PLA1A: variants seen among roughly 807,000 people sequenced by gnomAD.
PLA1A encodes phospholipase A1 member A.
A neutral mutation model predicts 49.4 loss-of-function variants in PLA1A; 47 were observed. The ratio of observed to expected loss-of-function variants is 0.95; its 90% confidence interval spans 0.75 to 1.21. PLA1A has a LOEUF of 1.21. Among genes scored for constraint, PLA1A ranks in the 50% most tolerant of loss-of-function variants. The probability of loss-of-function intolerance (pLI) is 0.00; values close to 1 mark genes in which losing one functional copy is unlikely to be tolerated. For missense variants in PLA1A, 561 were observed against 563.9 expected (o/e 0.99, Z 0.05); for synonymous variants, 224 against 207.9 (o/e 1.08, Z -0.67).
rs538981914 is a variant in PLA1A at position 119,616,232 on chromosome 3, C to G, written c.754+131C>G. The G allele has an allele frequency of 1.5e-4, 103 of 676,988 alleles. 2 individuals carry two copies. In the South Asian group the frequency reaches 1.7e-3, roughly 11 times the overall value. 41.9% of individuals were successfully genotyped at this position (676,988 alleles called of 1,614,324 possible). On this transcript the variant is annotated intron_variant, in intron 6 of 10. Transcript: ENST00000273371. Reference sequence around the variant, plus strand: ...CAGTGTCCTTTGCTATGTCCCATAACGCTTTACTCAGAATGTATTCAAGGA... The same window carrying G: ...CAGTGTCCTTTGCTATGTCCCATAAGGCTTTACTCAGAATGTATTCAAGGA...
At chr3:119,620,343 C>A (rs1452668331) in intron 8 of PLA1A, 1 of 326,000 alleles carries the variant, frequency 3.1e-6, no homozygotes, top group South Asian at 2.5e-5. Context: ...AAACAACATG[C>A]CACCCAATTT....
intron 9 of PLA1A, among the ~76,000 whole-genome samples, chr3:119,627,624 C>A (rs1006851800): frequency 1.5e-5 from 2 of 131,698 alleles, no homozygotes; most frequent in Non-Finnish European, 3.1e-5. Context: ...TGGTTCCCCA[C>A]ACCACCCCTG....
rs2082900349 is a variant in PLA1A, at chr3:119,619,617, T to C, written c.977T>C (p.Val326Ala). 1.2e-6 allele frequency: 2 copies of C among 1,613,424 alleles called. No homozygotes were observed. Among genetic ancestry groups the C allele is most frequent in the Non-Finnish European group, 1.7e-6 (2 of 1,179,332 alleles). Residue 326 changes from valine to alanine, a missense_variant, in exon 8 of 11, where the codon GTC (valine) becomes GCC (alanine). Transcript: ENST00000273371. ...KIEPLPKEVK[V>A]YLLTTSSAPY... ...GAGCCGCTCCCCAAGGAAGTGAAAG[T>C]CTACCTCCTGACTACTTCCAGTGCT...
chr3:119,605,277 G>T (rs1343022186), intron 1 of PLA1A, among the ~76,000 whole-genome samples: 1 of 152,210 alleles, frequency 6.6e-6, no homozygotes, highest in Non-Finnish European at 1.5e-5. Context: ...GTCTGCCTCT[G>T]CAAGGGGATT....
At position 119,622,026 on chromosome 3, in the gene PLA1A, G is replaced by T. The variant is rs557589006; in HGVS notation, c.1012+2374G>T. On this transcript the variant is annotated intron_variant, in intron 8 of 10. Coordinates refer to ENST00000273371, the MANE Select transcript of PLA1A (RefSeq NM_015900.4). ...TTGAGGAGAGGAGTTCGAGACTGCA[G>T]TGAGCTGATTGTGCCAGTGCATTCC... is the stretch of plus-strand genomic sequence containing the variant. 1.3e-3 allele frequency among the ~76,000 whole-genome samples: 205 copies of T among 152,116 alleles called. 1 individual carries two copies. The highest frequency in any genetic ancestry group is 4.9e-3 in the African/African-American group (203 of 41,458).
intron 9 of PLA1A, among the ~76,000 whole-genome samples, chr3:119,626,155 T>C (rs915484741): frequency 4.0e-5 from 6 of 151,528 alleles, no homozygotes; most frequent in African/African-American, 9.7e-5. Context: ...AGGAGTGGAG[T>C]TGGCAAAGCT....
At chr3:119,620,003 C>A (rs1021914339) in intron 8 of PLA1A, 7 of 464,054 alleles carry the variant, frequency 1.5e-5, no homozygotes, top group Non-Finnish European at 2.6e-5. Flanking sequence ...GTGGTTCTCA[C>A]CCTGGCAGCC....
intron 1 of PLA1A, among the ~76,000 whole-genome samples, chr3:119,602,997 G>A (rs2082638071): frequency 6.6e-6 from 1 of 152,168 alleles, no homozygotes; most frequent in South Asian, 2.1e-4. Context: ...AGTGAGGAAG[G>A]GCAAGGAGAA....
chr3:119,605,779 G>T (rs1197827987), intron 1 of PLA1A, among the ~76,000 whole-genome samples: 2 of 152,236 alleles, frequency 1.3e-5, no homozygotes, highest in African/African-American at 4.8e-5. Flanking sequence ...TGGGAAGCAG[G>T]AGTTTCATGT....
intron 8 of PLA1A, among the ~76,000 whole-genome samples, chr3:119,623,942 C>T (rs1236915553): frequency 2.6e-5 from 4 of 151,976 alleles, no homozygotes; most frequent in African/African-American, 7.3e-5. Context: ...CTAGGCTGGT[C>T]TCAAACTCCT....
intron 8 of PLA1A, chr3:119,620,147 C>T (rs911758832): frequency 9.9e-5 from 45 of 456,570 alleles, no homozygotes; most frequent in African/African-American, 4.4e-4. Flanking sequence ...GTGATTGTAA[C>T]GATGTTAAAT....
At chr3:119,625,712 C>T (rs1175948373) in intron 9 of PLA1A, among the ~76,000 whole-genome samples, 1 of 152,190 alleles carries the variant, frequency 6.6e-6, no homozygotes, top group African/African-American at 2.4e-5. Context: ...GGAGTGCGAG[C>T]TGAGGGCCAG....
chr3:119,600,141 G>C lies in PLA1A; in HGVS notation c.73+2155G>C. On this transcript the variant is annotated intron_variant, in intron 1 of 10. Coordinates refer to ENST00000273371, the MANE Select transcript of PLA1A (RefSeq NM_015900.4). The stretch of plus-strand genomic sequence containing the variant: ...GAAGAGCTCAAATGATCGGGAGGGA[G>C]GAGGTTCAGGAGGTATCCAGGTGCC... 6 of 485,972 alleles carry C rather than the reference G, an allele frequency of 1.2e-5. No homozygotes were observed. In the East Asian group the frequency reaches 1.8e-4, roughly 15 times the overall value. The allele number at this position is 485,972 out of a possible 1,614,324, so 30.1% of individuals were successfully genotyped here. A position where few individuals can be genotyped will look rare whatever the true frequency, so the allele number is the denominator to read the frequency against.
chr3:119,598,043 C>T, intron 1 of PLA1A, 57 bp downstream of exon 1: 1 of 1,114,520 alleles, frequency 9.0e-7, no homozygotes, highest in Non-Finnish European at 1.3e-6. Flanking sequence ...TCATATTTCT[C>T]CAACTACTTA....
intron 1 of PLA1A, among the ~76,000 whole-genome samples, chr3:119,604,378 A>G (rs761141489): frequency 9.9e-5 from 15 of 152,230 alleles, no homozygotes; most frequent in Non-Finnish European, 2.1e-4. Flanking sequence ...CTAATGAATG[A>G]ATAAAAAAAA....
In PLA1A at chr3:119,606,873, C is replaced by T. The variant is rs564489715; in HGVS notation, c.173C>T (p.Pro58Leu). 1.4e-5 allele frequency: 22 copies of T among 1,614,132 alleles called. No individual in the cohort carries two copies. The South Asian group carries it at 2.3e-4, about 17-fold the overall frequency. ...AAAGTCCAGTTTCTCCTCTTTGTCC[C>T]TTCGAATCCTAGCTGTGGGCAGCTA... Reference protein sequence around the residue: ...DLKVQFLLFVPSNPSCGQLVE... With the variant: ...DLKVQFLLFVLSNPSCGQLVE... Residue 58 changes from proline (P) to leucine (L), a missense_variant, in exon 2 of 11, where the codon CCT becomes CTT. Transcript: ENST00000273371.
At chr3:119,611,946 G>A (rs1055211027) in intron 4 of PLA1A, among the ~76,000 whole-genome samples, 1 of 152,014 alleles carries the variant, frequency 6.6e-6, no homozygotes, top group Non-Finnish European at 1.5e-5. Context: ...ACATCTCCTT[G>A]GCCCACTGTG....
At chr3:119,604,858 T>A (rs1312196628) in intron 1 of PLA1A, among the ~76,000 whole-genome samples, 3 of 152,098 alleles carry the variant, frequency 2.0e-5, no homozygotes, top group African/African-American at 7.2e-5. Flanking sequence ...TGTAAAAAAA[T>A]GGAGGGGGTG....
At position 119,628,855 on chromosome 3, in the gene PLA1A, G is replaced by A. The variant is rs375463848; in HGVS notation, c.1276G>A (p.Val426Ile). ...GAAGTTCTGCACTGCCCTTTTGCCT[G>A]TCAATGACAGGTAAGCCCCAGTATT... ...IGKFCTALLP[V>I]NDREKMVCLP... The change falls in exon 10 of 11, where the codon GTC becomes ATC. Residue 426 changes from valine to isoleucine, a missense_variant. Physicochemically the swap from Val to Ile is conservative, Grantham distance 29. Transcript: ENST00000273371. 3.4e-5 allele frequency: 55 copies of A among 1,613,702 alleles called. No individual in the cohort carries two copies. In the Admixed American group the frequency reaches 3.8e-4, roughly 11 times the overall value.
Sources: gnomAD v4.1 joint callset for allele counts (sites outside exome capture counted in the v4.1 genomes callset) on GRCh38, gnomAD v4.1.1 for gene constraint, MANE v1.5 for transcripts, NCBI Gene and HGNC (gene_info 2026-07-23, HGNC 2026-07-21) for gene names.